Variants in TCP11 observed in about 807,000 individuals in gnomAD.
The protein encoded by TCP11 is t-complex 11.
A neutral mutation model predicts 45.0 loss-of-function variants in TCP11; 34 were observed. The observed-to-expected ratio is 0.76, with a 90% CI of 0.57 to 1.01. The LOEUF (loss-of-function observed/expected upper bound fraction) is 1.01, where lower values mean the gene tolerates loss of function less well. TCP11 is among the 50% of genes least tolerant of loss of function. The pLI is 0.00. For synonymous variants in TCP11, 227 were observed against 227.0 expected (o/e 1.00, Z 0.00); for missense variants, 523 against 598.1 (o/e 0.87, Z 1.31).
chr6:35,139,335 C>T (rs531411867), intron 2 of TCP11, among the ~76,000 whole-genome samples: 2 of 152,202 alleles, frequency 1.3e-5, no homozygotes, highest in East Asian at 3.9e-4. Context: ...TGGGCATTCA[C>T]TGTATTATTT....
At chr6:35,131,006 T>A (rs1780361295) in intron 3 of TCP11, among the ~76,000 whole-genome samples, 2 of 152,214 alleles carry the variant, frequency 1.3e-5, no homozygotes, top group South Asian at 4.1e-4. Flanking sequence ...AAATGGAATA[T>A]TATTCAATGA....
In TCP11 at chr6:35,140,782, TGG is replaced by T; in HGVS notation, c.87_88del (p.Gln30GlyfsTer23). 6.5e-7 allele frequency: 1 copy of T among 1,531,178 alleles called. No homozygotes were observed. Among genetic ancestry groups the T allele is most frequent in the Non-Finnish European group, 8.7e-7 (1 of 1,143,714 alleles). The allele number at this position is 1,531,178 out of a possible 1,614,324, so 94.8% of individuals were successfully genotyped here. On this transcript the variant is annotated frameshift_variant, in exon 2 of 10. Coordinates refer to ENST00000311875, the MANE Select transcript of TCP11 (RefSeq NM_001370687.1). LOFTEE classifies it high-confidence loss of function. Reference sequence around the variant, plus strand: ...GTCCTCGGAGCCGCTCTTGTCTTCCTGGGGGGGTCCTGAGGTTTCGGGCTTAC... The same window carrying T: ...GTCCTCGGAGCCGCTCTTGTCTTCCTGGGGGTCCTGAGGTTTCGGGCTTAC...
At chr6:35,118,552 G>A (rs985723496) in intron 9 of TCP11, 51 bp from the exon 10 acceptor site, 2 of 1,540,040 alleles carry the variant, frequency 1.3e-6, no homozygotes, top group African/African-American at 2.7e-5. Context: ...AGATTTCAGG[G>A]AGAAAATTCC....
chr6:35,122,728 G>C lies in TCP11; in HGVS notation c.358-391C>G, dbSNP rs77026247. Among the ~76,000 whole-genome samples the C allele has an allele frequency of 4.5e-4, 69 of 152,182 alleles. No individual in the cohort carries two copies. In the East Asian group the frequency reaches 0.012, roughly 27 times the overall value. On this transcript the variant is annotated intron_variant, in intron 4 of 9. Coordinates refer to ENST00000311875, the MANE Select transcript of TCP11 (RefSeq NM_001370687.1). ...AAGGGCAAGGATGAAATAGGCATAGGAGCTGTTGCAAGTCACTGAAATAGC... is the reference window on the plus strand; with the variant it reads ...AAGGGCAAGGATGAAATAGGCATAGCAGCTGTTGCAAGTCACTGAAATAGC...
intron 8 of TCP11, 42 bp from the exon 9 acceptor site, chr6:35,119,433 C>G (rs775223686): frequency 1.2e-6 from 2 of 1,604,666 alleles, no homozygotes; most frequent in Non-Finnish European, 1.7e-6. Flanking sequence ...ACCAGGTAAC[C>G]CTGGCATAGG....
rs1779059804 is a variant in TCP11 at position 35,120,138 on chromosome 6, A to C, written c.1115+21T>G. 2 of 1,610,174 alleles carry C rather than the reference A, an allele frequency of 1.2e-6. No homozygotes were observed. The highest frequency in any genetic ancestry group is 3.3e-5 in the Admixed American group (2 of 59,788). ...ATACCACATATCACCTTCTACTCTAAAAAGTAACTATGCAGCTCACCTGGA... is the reference window on the plus strand; with the variant it reads ...ATACCACATATCACCTTCTACTCTACAAAGTAACTATGCAGCTCACCTGGA... On this transcript the variant is annotated intron_variant, in intron 8 of 9. Coordinates refer to ENST00000311875, the MANE Select transcript of TCP11 (RefSeq NM_001370687.1). This position sits in a 1 kb window ranked among gnomAD's most constrained non-coding sequence, Gnocchi z 4.9.
chr6:35,120,907 A>C lies in TCP11; in HGVS notation c.715+2T>G. On this transcript the variant is annotated splice_donor_variant, in intron 6 of 9. Coordinates refer to ENST00000311875, the MANE Select transcript of TCP11 (RefSeq NM_001370687.1). LOFTEE classifies it high-confidence loss of function. This position sits in a 1 kb window ranked among gnomAD's most constrained non-coding sequence, Gnocchi z 4.9. ...ACTCCTGCCCTCACATTATATACAT[A>C]CTAGGCTGCTTATTGAGGAGTTCCT... 6.2e-7 allele frequency: 1 copy of C among 1,613,254 alleles called. No homozygotes were observed. Among genetic ancestry groups the C allele is most frequent in the Non-Finnish European group, 8.5e-7 (1 of 1,179,594 alleles).
At chr6:35,121,463 G>A (rs550714318) in intron 5 of TCP11, among the ~76,000 whole-genome samples, 1 of 147,476 alleles carries the variant, frequency 6.8e-6, no homozygotes, top group Admixed American at 6.8e-5. Flanking sequence ...AAATACGGAT[G>A]ACCACTCATC....
intron 2 of TCP11, chr6:35,139,948 A>G: frequency 6.8e-7 from 1 of 1,475,644 alleles, no homozygotes; most frequent in Non-Finnish European, 9.4e-7. Flanking sequence ...GTTGTTTTAT[A>G]TATGGACTCA....
At chr6:35,127,958 A>G (rs1780013600) in intron 4 of TCP11, among the ~76,000 whole-genome samples, 1 of 152,200 alleles carries the variant, frequency 6.6e-6, no homozygotes, top group African/African-American at 2.4e-5. Context: ...AGTCCTTTCC[A>G]TATCTTTCCT....
chr6:35,119,135 A>G, intron 9 of TCP11, 93 bp downstream of exon 9: 1 of 1,491,408 alleles, frequency 6.7e-7, no homozygotes, highest in Non-Finnish European at 9.2e-7. Flanking sequence ...TGACGTACCT[A>G]ATGACCATGC....
At chr6:35,139,312 A>C (rs1234105233) in intron 2 of TCP11, among the ~76,000 whole-genome samples, 1 of 152,180 alleles carries the variant, frequency 6.6e-6, no homozygotes, top group Non-Finnish European at 1.5e-5. Flanking sequence ...AATACGGCAG[A>C]ATATTAACAC....
chr6:35,139,873 G>T, intron 2 of TCP11: 1 of 710,006 alleles, frequency 1.4e-6, no homozygotes. Context: ...TAACAACCAA[G>T]TCAACCTAAT....
intron 2 of TCP11, among the ~76,000 whole-genome samples, chr6:35,138,484 A>G (rs1470586019): frequency 6.6e-6 from 1 of 152,186 alleles, no homozygotes; most frequent in African/African-American, 2.4e-5. Flanking sequence ...GCACAGAAAG[A>G]AAAACTTCAC....
At chr6:35,128,008 GTTAT>G (rs1780017275) in intron 4 of TCP11, among the ~76,000 whole-genome samples, 1 of 152,168 alleles carries the variant, frequency 6.6e-6, no homozygotes, top group Admixed American at 6.5e-5. Context: ...GGCAGAAAGT[GTTAT>G]TTAGTTTTCT....
Position 35,122,346 on chromosome 6 carries a change from G to T in TCP11, c.358-9C>A. 1.9e-6 allele frequency: 3 copies of T among 1,613,552 alleles called. No individual in the cohort carries two copies. Among genetic ancestry groups the T allele is most frequent in the Non-Finnish European group, 2.5e-6 (3 of 1,179,542 alleles). ...AGCAGTGATAGCAAGATCTGCCCAG[G>T]AAAGAAAGTCAAAGGAGTTGATCTG... On this transcript the variant is annotated splice_polypyrimidine_tract_variant and intron_variant, in intron 4 of 9. Transcript: ENST00000311875.
At position 35,120,482 on chromosome 6, in the gene TCP11, G is replaced by A. The variant is rs1779112008; in HGVS notation, c.880C>T (p.Gln294Ter). The A allele has an allele frequency of 2.5e-6, 4 of 1,610,944 alleles. No individual in the cohort carries two copies. The East Asian group carries it at 8.9e-5, about 36-fold the overall frequency. The change falls in exon 7 of 10, where the codon CAG (glutamine) becomes TAG (stop). Residue 294 changes from glutamine to a stop codon, truncating the protein, a stop_gained. Coordinates refer to ENST00000311875, the MANE Select transcript of TCP11 (RefSeq NM_001370687.1). LOFTEE classifies it high-confidence loss of function. The surrounding 1 kb of genome is among the most constrained non-coding windows in gnomAD (Gnocchi z 4.9). ...CAGAGAAGGAGGTTCAAGAAGCCCT[G>A]ACACAGCACCATTGTGGGGCTGAGG... ...EPLSPTMVLC[Q>*]GFLNLLLWDL... is the part of the protein sequence containing the mutation.
rs35859439 is a variant in TCP11, at chr6:35,135,620, T to TAAA, written c.236+484_236+486dup. The stretch of plus-strand genomic sequence containing the variant: ...GGGCAACACAGTGAGACCCCATCTC[T>TAAA]AAAAAAAAAAAAAAAAAAATCGAAA... On this transcript the variant is annotated intron_variant, in intron 3 of 9. Coordinates refer to ENST00000311875, the MANE Select transcript of TCP11 (RefSeq NM_001370687.1). Among the ~76,000 whole-genome samples the TAAA allele has an allele frequency of 2.1e-3, 258 of 121,510 alleles. 4 individuals are homozygous for TAAA. Among genetic ancestry groups the TAAA allele is most frequent in the African/African-American group, 6.5e-3 (201 of 30,988 alleles). 79.7% of individuals were successfully genotyped at this position (121,510 alleles called of 152,430 possible). A position where few individuals can be genotyped will look rare whatever the true frequency, so the allele number is the denominator to read the frequency against.
Position 35,120,755 on chromosome 6 carries a change from G to A in TCP11, c.716-109C>T. 1.4e-6 allele frequency: 2 copies of A among 1,401,206 alleles called. No individual in the cohort carries two copies. Among genetic ancestry groups the A allele is most frequent in the South Asian group, 2.8e-5 (2 of 71,354 alleles). The allele number at this position is 1,401,206 out of a possible 1,614,324, so 86.8% of individuals were successfully genotyped here. A position where few individuals can be genotyped will look rare whatever the true frequency, so the allele number is the denominator to read the frequency against. On this transcript the variant is annotated intron_variant, in intron 6 of 9. Transcript: ENST00000311875. The surrounding 1 kb of genome is among the most constrained non-coding windows in gnomAD (Gnocchi z 4.9). ...CCTGGTCAATAAATAAATGCTTTGA[G>A]GGTCTTTCTGTCTTAGATAAATGTT...
Sources: allele counts gnomAD v4.1 joint callset (sites outside exome capture counted in the v4.1 genomes callset), GRCh38; gene constraint gnomAD v4.1.1; non-coding constraint Gnocchi (gnomAD v3.1); transcripts MANE v1.5; gene names NCBI Gene and HGNC (gene_info 2026-07-23, HGNC 2026-07-21).